Variants in CFAP43 observed in about 807,000 individuals in gnomAD.
The protein encoded by CFAP43 is cilia- and flagella-associated protein 43.
In CFAP43, 155 loss-of-function variants were observed where a neutral mutation model predicts 218.9. The observed-to-expected ratio is 0.71, with a 90% CI of 0.62 to 0.81. CFAP43 has a LOEUF of 0.81. CFAP43 is among the 30% of genes least tolerant of loss of function. The probability of loss-of-function intolerance (pLI) is 0.00; values close to 1 mark genes in which losing one functional copy is unlikely to be tolerated. For missense variants in CFAP43, 1,778 were observed against 1,954.3 expected (o/e 0.91, Z 1.70); for synonymous variants, 645 against 681.3 (o/e 0.95, Z 0.83).
intron 19 of CFAP43, among the ~76,000 whole-genome samples, chr10:104,177,701 CTG>C (rs1440558046): frequency 1.3e-5 from 2 of 152,124 alleles, no homozygotes; most frequent in African/African-American, 4.8e-5. Context: ...AGGTGCATAA[CTG>C]TAAATTTCCA....
chr10:104,185,601 T>G (rs1472075533), intron 15 of CFAP43, among the ~76,000 whole-genome samples: 1 of 152,216 alleles, frequency 6.6e-6, no homozygotes, highest in Non-Finnish European at 1.5e-5. Context: ...CTCTGAAGGA[T>G]GCTAACTAAG....
intron 22 of CFAP43, 55 bp downstream of exon 22, chr10:104,167,566 G>T: frequency 1.5e-6 from 2 of 1,331,406 alleles, no homozygotes; most frequent in Non-Finnish European, 2.0e-6. Context: ...GAACAAAGGA[G>T]ACTCTAAAAT....
intron 17 of CFAP43, among the ~76,000 whole-genome samples, chr10:104,181,253 T>C (rs1227287424): frequency 6.6e-6 from 1 of 152,020 alleles, no homozygotes; most frequent in African/African-American, 2.4e-5. Flanking sequence ...TTTCTTTTCC[T>C]CTCTCTCTAT....
chr10:104,132,332 C>T (rs1165210706), intron 35 of CFAP43, 136 bp from the exon 36 acceptor site: 2 of 706,036 alleles, frequency 2.8e-6, no homozygotes, highest in Non-Finnish European at 2.2e-6. Flanking sequence ...TTTGGCTTGG[C>T]CAGGCGTGGT....
chr10:104,134,366 C>T (rs1487641133), intron 34 of CFAP43, among the ~76,000 whole-genome samples: 1 of 152,006 alleles, frequency 6.6e-6, no homozygotes, highest in East Asian at 1.9e-4. Flanking sequence ...CCACTGCACT[C>T]CAGCCTGGGT....
At chr10:104,182,539 G>A (rs1413108848) in intron 16 of CFAP43, 26 bp from the exon 17 acceptor site, 4 of 1,551,366 alleles carry the variant, frequency 2.6e-6, no homozygotes, top group Non-Finnish European at 3.5e-6. Context: ...AGAAAACACA[G>A]AGGCTATAAA....
intron 19 of CFAP43, among the ~76,000 whole-genome samples, chr10:104,174,818 G>A (rs1460833605): frequency 7.2e-5 from 11 of 152,016 alleles, no homozygotes; most frequent in Non-Finnish European, 1.2e-4. Flanking sequence ...CACTTTGGGA[G>A]GCCGAGGTGG....
chr10:104,184,978 T>C, intron 16 of CFAP43, 38 bp downstream of exon 16: 1 of 1,605,874 alleles, frequency 6.2e-7, no homozygotes, highest in South Asian at 1.1e-5. Flanking sequence ...TTTAACACAC[T>C]ATACTACATG....
rs571380984 is a variant in CFAP43, at chr10:104,136,686, C to G, written c.4432-2902G>C. The stretch of plus-strand genomic sequence containing the variant: ...ACGGCCTGATTCTTAGATTTAACAC[C>G]AAAAACATGAGACAATCCACAGAAG... On this transcript the variant is annotated intron_variant, in intron 34 of 37. Coordinates refer to ENST00000357060, the MANE Select transcript of CFAP43 (RefSeq NM_025145.7). Among the ~76,000 whole-genome samples, 7 of 152,076 alleles carry G rather than the reference C, an allele frequency of 4.6e-5. No individual in the cohort carries two copies. The East Asian group carries it at 1.4e-3, about 29-fold the overall frequency.
Position 104,167,751 on chromosome 10 carries a change from A to C in CFAP43, c.2692-14T>G, listed in dbSNP as rs772012672. ...GATATGAAAACACTTGGGGAAAAAAACGCAAGACAAAATAAATCCATTTGT... is the reference window on the plus strand; with the variant it reads ...GATATGAAAACACTTGGGGAAAAAACCGCAAGACAAAATAAATCCATTTGT... On this transcript the variant is annotated splice_polypyrimidine_tract_variant and intron_variant, in intron 21 of 37. Coordinates refer to ENST00000357060, the MANE Select transcript of CFAP43 (RefSeq NM_025145.7). 2.5e-6 allele frequency: 4 copies of C among 1,580,936 alleles called. No homozygotes were observed. The highest frequency in any genetic ancestry group is 1.4e-5 in the African/African-American group (1 of 73,798).
chr10:104,167,838 T>C (rs1046181053), intron 21 of CFAP43, 101 bp from the exon 22 acceptor site: 3 of 764,956 alleles, frequency 3.9e-6, no homozygotes, highest in Non-Finnish European at 4.2e-6. Flanking sequence ...AATTAACCCA[T>C]AGGTTATCAT....
chr10:104,163,997 G>A, intron 24 of CFAP43, 97 bp downstream of exon 24: 1 of 1,227,858 alleles, frequency 8.1e-7, no homozygotes, highest in Non-Finnish European at 1.2e-6. Context: ...GTGCTACCCA[G>A]TACAATCACT....
At chr10:104,157,923 C>T (rs1296941566) in intron 27 of CFAP43, among the ~76,000 whole-genome samples, 4 of 152,034 alleles carry the variant, frequency 2.6e-5, no homozygotes, top group Non-Finnish European at 5.9e-5. Flanking sequence ...ATAGCTTATT[C>T]TTGGTGCCTA....
At chr10:104,218,128 C>T (rs529669321) in intron 3 of CFAP43, among the ~76,000 whole-genome samples, 64 of 152,126 alleles carry the variant, frequency 4.2e-4, no homozygotes, top group African/African-American at 1.5e-3. Context: ...GCGGGCGGCT[C>T]ATGAGGTCAG....
At chr10:104,190,645 A>G (rs1050573792) in intron 12 of CFAP43, among the ~76,000 whole-genome samples, 18 of 152,350 alleles carry the variant, frequency 1.2e-4, no homozygotes, top group South Asian at 2.1e-4. Context: ...CTCAACCTCT[A>G]GAACTTTCAA....
chr10:104,155,483 C>T (rs1337617299), intron 27 of CFAP43, among the ~76,000 whole-genome samples: 3 of 152,046 alleles, frequency 2.0e-5, no homozygotes, highest in Non-Finnish European at 2.9e-5. Context: ...AATTATCTTG[C>T]GAATGCACAG....
chr10:104,146,244 G>A lies in CFAP43; in HGVS notation c.3855+19C>T. The A allele has an allele frequency of 2.5e-6, 4 of 1,602,344 alleles. No individual in the cohort carries two copies. The highest frequency in any genetic ancestry group is 3.4e-6 in the Non-Finnish European group (4 of 1,169,534). The stretch of plus-strand genomic sequence containing the variant: ...ACAACTCTACTGCATTGTTGAGTGG[G>A]TAAGACAACAACTCTCACTTTGTCT... On this transcript the variant is annotated intron_variant, in intron 30 of 37. Coordinates refer to ENST00000357060, the MANE Select transcript of CFAP43 (RefSeq NM_025145.7).
At position 104,191,295 on chromosome 10, in the gene CFAP43, CAT is replaced by C. The variant is rs1320715631; in HGVS notation, c.1546+902_1546+903del. Among the ~76,000 whole-genome samples the C allele has an allele frequency of 2.6e-5, 4 of 151,288 alleles. No homozygotes were observed. In the East Asian group the frequency reaches 5.8e-4, roughly 22 times the overall value. On this transcript the variant is annotated intron_variant, in intron 12 of 37. Coordinates refer to ENST00000357060, the MANE Select transcript of CFAP43 (RefSeq NM_025145.7). Reference sequence around the variant, plus strand: ...TCCTTCCTCTTTCAGACTTCATTGCCATAGTCATCTTCTAGTAAACTCTTCCA... The same window carrying C: ...TCCTTCCTCTTTCAGACTTCATTGCCAGTCATCTTCTAGTAAACTCTTCCA...
intron 2 of CFAP43, among the ~76,000 whole-genome samples, chr10:104,229,499 TAAA>T (rs34183569): frequency 2.0e-5 from 2 of 97,794 alleles, no homozygotes; most frequent in African/African-American, 3.8e-5. Flanking sequence ...GCCAAAAACA[TAAA>T]AAAAAAAAAA....
Sources: allele counts gnomAD v4.1 joint callset (sites outside exome capture counted in the v4.1 genomes callset), GRCh38; gene constraint gnomAD v4.1.1; transcripts MANE v1.5; gene names NCBI Gene and HGNC (gene_info 2026-07-23, HGNC 2026-07-21).